The following FRS2 variants were observed in gnomAD, a reference collection of about 807,000 sequenced individuals.
The protein encoded by FRS2 is fibroblast growth factor receptor substrate 2.
A neutral mutation model predicts 43.9 loss-of-function variants in FRS2; 8 were observed. That is an observed-to-expected ratio of 0.18 (90% CI 0.11 to 0.33). The LOEUF is 0.33. FRS2 is among the 10% of genes least tolerant of loss of function. The probability of loss-of-function intolerance (pLI) is 1.00; values close to 1 mark genes in which losing one functional copy is unlikely to be tolerated. For missense variants in FRS2, 534 were observed against 627.6 expected (o/e 0.85, Z 1.59); for synonymous variants, 219 against 220.3 (o/e 0.99, Z 0.05).
chr12:69,549,813 C>A (rs983197549), intron 3 of FRS2, among the ~76,000 whole-genome samples: 4 of 152,190 alleles, frequency 2.6e-5, no homozygotes, highest in African/African-American at 9.7e-5. Flanking sequence ...TCTTTCTGTC[C>A]CATCTCACCT....
chr12:69,547,718 T>C (rs76632818), intron 3 of FRS2, among the ~76,000 whole-genome samples: 3,017 of 152,268 alleles, frequency 0.02, 107 homozygotes, highest in African/African-American at 0.068. Context: ...AGTTGTAACA[T>C]GTTACTAATT....
intron 4 of FRS2, among the ~76,000 whole-genome samples, chr12:69,568,555 GTCTC>G (rs752238344): frequency 8.8e-5 from 13 of 148,558 alleles, no homozygotes; most frequent in Middle Eastern, 6.9e-3. Flanking sequence ...GTCTCTGGCT[GTCTC>G]TCTCTCTCTC....
At position 69,576,758 on chromosome 12, in the gene FRS2, T is replaced by C. The variant is rs1443232037; in HGVS notation, c.*1803T>C. ...TCTTTACTATAAATCAATATCAGTG[T>C]ATTTTATCATTCTATGTGCATAGCA... On this transcript the variant is annotated 3_prime_UTR_variant, in exon 9 of 9. Coordinates refer to ENST00000549921, the MANE Select transcript of FRS2 (RefSeq NM_001278356.2). 1 of 152,608 alleles carries C rather than the reference T, an allele frequency of 6.6e-6. No homozygotes were observed. Among genetic ancestry groups the C allele is most frequent in the Non-Finnish European group, 1.5e-5 (1 of 68,024 alleles). The allele number at this position is 152,608 out of a possible 1,614,324, so 9.5% of individuals were successfully genotyped here.
At chr12:69,536,101 CTTTTTTTTTTTTTTTTTTTTTTTTT>C (rs71094720) in intron 3 of FRS2, among the ~76,000 whole-genome samples, 1 of 37,176 alleles carries the variant, frequency 2.7e-5, no homozygotes, top group South Asian at 9.7e-4. Flanking sequence ...TATTTTCATT[CTTTTTTTTTTTTTTTTTTTTTTTTT>C]TTTTTTTTTT....
At chr12:69,535,654 C>T (rs187312384) in intron 3 of FRS2, among the ~76,000 whole-genome samples, 9 of 151,894 alleles carry the variant, frequency 5.9e-5, no homozygotes, top group East Asian at 1.9e-4. Flanking sequence ...GCAGCTTTTT[C>T]GGTTATTAAG....
chr12:69,509,287 A>G (rs1284887796), intron 1 of FRS2, among the ~76,000 whole-genome samples: 1 of 152,086 alleles, frequency 6.6e-6, no homozygotes, highest in Middle Eastern at 3.2e-3. Flanking sequence ...GGATAGGGAG[A>G]AGATTGGTTT....
intron 1 of FRS2, among the ~76,000 whole-genome samples, chr12:69,499,794 G>A (rs551686638): frequency 6.6e-6 from 1 of 151,334 alleles, no homozygotes; most frequent in African/African-American, 2.4e-5. Flanking sequence ...TTGGAGTAGG[G>A]TGGGGGTGGG....
At chr12:69,531,765 A>T (rs567594337) in intron 2 of FRS2, among the ~76,000 whole-genome samples, 104 of 152,354 alleles carry the variant, frequency 6.8e-4, no homozygotes, top group Non-Finnish European at 1.1e-3. Context: ...GCCACATATC[A>T]TCAGGTACCT....
intron 5 of FRS2, among the ~76,000 whole-genome samples, chr12:69,569,479 ATCT>A (rs921826763): frequency 2.6e-5 from 4 of 152,276 alleles, no homozygotes; most frequent in East Asian, 1.9e-4. Context: ...CATCAAATTA[ATCT>A]TCTTCTCTCA....
chr12:69,470,648 G>A (rs1870174543), intron 1 of FRS2, 118 bp downstream of exon 1: 1 of 259,940 alleles, frequency 3.8e-6, no homozygotes, highest in Non-Finnish European at 7.3e-6. Flanking sequence ...GGCGTCCGGG[G>A]AAGGGGATTG....
At chr12:69,483,034 A>G (rs184972581) in intron 1 of FRS2, among the ~76,000 whole-genome samples, 2 of 152,300 alleles carry the variant, frequency 1.3e-5, no homozygotes, top group African/African-American at 4.8e-5. Context: ...TTAACATTCT[A>G]TTTTGAAGTA....
At chr12:69,488,829 T>G (rs987901515) in intron 1 of FRS2, among the ~76,000 whole-genome samples, 1 of 152,270 alleles carries the variant, frequency 6.6e-6, no homozygotes, top group Non-Finnish European at 1.5e-5. Context: ...ATAAACTGGT[T>G]TGGGAATGGA....
chr12:69,485,135 A>ACACACACACACT (rs1299663612), intron 1 of FRS2, among the ~76,000 whole-genome samples: 2 of 80,884 alleles, frequency 2.5e-5, no homozygotes, highest in East Asian at 2.8e-4. Flanking sequence ...ACACACACAC[A>ACACACACACACT]CTCTCACCCC....
At chr12:69,532,296 T>G (rs1368672679) in intron 3 of FRS2, among the ~76,000 whole-genome samples, 2 of 152,244 alleles carry the variant, frequency 1.3e-5, no homozygotes, top group Non-Finnish European at 2.9e-5. Context: ...ATTCAAATAC[T>G]GCTTCTCATG....
At chr12:69,472,075 C>T (rs1415652731) in intron 1 of FRS2, among the ~76,000 whole-genome samples, 3 of 151,900 alleles carry the variant, frequency 2.0e-5, no homozygotes, top group Non-Finnish European at 4.4e-5. Context: ...TTTCTTTTTC[C>T]TCTTCCTTTC....
intron 3 of FRS2, among the ~76,000 whole-genome samples, chr12:69,550,744 G>C (rs1426537991): frequency 6.6e-6 from 1 of 152,212 alleles, no homozygotes; most frequent in East Asian, 1.9e-4. Flanking sequence ...TATTTAGAAG[G>C]ATGAATCATT....
intron 4 of FRS2, among the ~76,000 whole-genome samples, chr12:69,567,633 T>C: frequency 6.6e-6 from 1 of 152,206 alleles, no homozygotes; most frequent in East Asian, 1.9e-4. Flanking sequence ...GGTTAGCATA[T>C]GCATGACGGT....
intron 1 of FRS2, among the ~76,000 whole-genome samples, chr12:69,520,167 A>T (rs1433394601): frequency 6.6e-6 from 1 of 151,962 alleles, no homozygotes. Flanking sequence ...GGTGATACTG[A>T]GCTTTTTTTC....
At chr12:69,530,132 A>G (rs1008463460) in intron 1 of FRS2, among the ~76,000 whole-genome samples, 1 of 152,204 alleles carries the variant, frequency 6.6e-6, no homozygotes, top group Non-Finnish European at 1.5e-5. Flanking sequence ...TATAGGGGGA[A>G]AGTTGACAAT....
Sources: gnomAD v4.1 joint callset for allele counts (sites outside exome capture counted in the v4.1 genomes callset) on GRCh38, gnomAD v4.1.1 for gene constraint, MANE v1.5 for transcripts, NCBI Gene and HGNC (gene_info 2026-07-23, HGNC 2026-07-21) for gene names.